SYNRG: variants seen among roughly 807,000 people sequenced by gnomAD.
The protein encoded by SYNRG is synergin gamma, also known as AP1 gamma subunit binding protein 1.
A neutral mutation model predicts 130.9 loss-of-function variants in SYNRG; 37 were observed. That is an observed-to-expected ratio of 0.28 (90% CI 0.22 to 0.37). The LOEUF is 0.37. SYNRG is among the 10% of genes least tolerant of loss of function. The pLI, the probability that SYNRG is intolerant of heterozygous loss-of-function variation, is 1.00. For synonymous variants in SYNRG, 539 were observed against 568.1 expected (o/e 0.95, Z 0.73); for missense variants, 1,338 against 1,588.9 (o/e 0.84, Z 2.68).
At chr17:37,519,230 G>A (rs184708835) in intron 21 of SYNRG, among the ~76,000 whole-genome samples, 159 bp from the exon 22 acceptor site, 59 of 152,338 alleles carry the variant, frequency 3.9e-4, no homozygotes, top group African/African-American at 1.4e-3. Context: ...GAATTCAAGA[G>A]AGAAGGTTTT....
intron 18 of SYNRG, chr17:37,536,365 T>C (rs1049871652): frequency 7.6e-5 from 40 of 528,312 alleles, no homozygotes; most frequent in Middle Eastern, 4.9e-4. Flanking sequence ...ACTGGCTACA[T>C]GACCTTAGGC....
In SYNRG at chr17:37,577,464, C is replaced by A. The variant is rs555929609; in HGVS notation, c.739G>T (p.Val247Phe). ...KYPSLMASNG[V>F]AVDGCVSGTT... ...CCACTTACACATCCATCTACAGCAA[C>A]CCCGTTACTGGCCATTAAACTGGGA... Residue 247 changes from valine (V) to phenylalanine (F), a missense_variant, in exon 7 of 22, where the codon GTT becomes TTT. Around this residue, in one of 3 missense-constraint regions of SYNRG, gnomAD observed 1,146 missense variants for 1,342.3 expected, o/e 0.85. Transcript: ENST00000612223. 2 of 1,614,164 alleles carry A rather than the reference C, an allele frequency of 1.2e-6. No homozygotes were observed. The highest frequency in any genetic ancestry group is 1.7e-6 in the Non-Finnish European group (2 of 1,180,030).
chr17:37,547,035 G>A (rs1271682402), intron 14 of SYNRG, among the ~76,000 whole-genome samples: 2 of 152,142 alleles, frequency 1.3e-5, no homozygotes, highest in African/African-American at 2.4e-5. Flanking sequence ...AAGAAAACAG[G>A]AATGAAAGTG....
intron 2 of SYNRG, among the ~76,000 whole-genome samples, chr17:37,599,769 T>G (rs1440467453): frequency 2.0e-5 from 3 of 152,212 alleles, no homozygotes; most frequent in Admixed American, 1.3e-4. Context: ...ACTTAAATAC[T>G]TAAGCTGAAT....
chr17:37,525,162 A>G (rs1000617605), intron 19 of SYNRG, among the ~76,000 whole-genome samples: 1 of 152,232 alleles, frequency 6.6e-6, no homozygotes, highest in African/African-American at 2.4e-5. Context: ...CCAATCATAT[A>G]AGATAACAGT....
rs1196702609 is a variant in SYNRG at position 37,601,674 on chromosome 17, TA to T, written c.78-1272del. ...TAAGCTGACAACTTTATTTTTATTT[TA>T]TTTTTTTGAGACGGAGTTTGCTCTT... On this transcript the variant is annotated intron_variant, in intron 1 of 21. Coordinates refer to ENST00000612223, the MANE Select transcript of SYNRG (RefSeq NM_007247.6). Among the ~76,000 whole-genome samples, 3 of 152,270 alleles carry T rather than the reference TA, an allele frequency of 2.0e-5. No homozygotes were observed. In the East Asian group the frequency reaches 5.8e-4, roughly 29 times the overall value.
At chr17:37,601,410 G>A (rs1305552013) in intron 1 of SYNRG, among the ~76,000 whole-genome samples, 5 of 152,034 alleles carry the variant, frequency 3.3e-5, no homozygotes, top group African/African-American at 1.2e-4. Context: ...AATATTATAT[G>A]AAGTTGTCAG....
chr17:37,608,875 C>A (rs2064079399), intron 1 of SYNRG, among the ~76,000 whole-genome samples: 1 of 152,100 alleles, frequency 6.6e-6, no homozygotes, highest in Non-Finnish European at 1.5e-5. Flanking sequence ...TTTTTAAAGC[C>A]CTCCCTCCAA....
intron 14 of SYNRG, among the ~76,000 whole-genome samples, chr17:37,545,390 G>A (rs1471383706): frequency 6.6e-6 from 1 of 151,938 alleles, no homozygotes; most frequent in African/African-American, 2.4e-5. Context: ...TTGAGACTCT[G>A]TCTCAAAAAA....
rs751320614 is a variant in SYNRG at position 37,538,402 on chromosome 17, C to T, written c.3439G>A (p.Asp1147Asn). Residue 1147 changes from aspartate (D) to asparagine (N), a missense_variant, in exon 18 of 22, where the codon GAT (aspartate) becomes AAT (asparagine). This residue lies in a region of SYNRG where 1,146 missense variants were observed against 1,342.3 expected (regional missense o/e 0.85). Coordinates refer to ENST00000612223, the MANE Select transcript of SYNRG (RefSeq NM_007247.6). Reference protein sequence around the residue: ...SALNVIKKANDTLNGISSSSV... With the variant: ...SALNVIKKANNTLNGISSSSV... The stretch of plus-strand genomic sequence containing the variant: ...CTACTACTGATTCCATTTAAGGTAT[C>T]ATTTGCCTTCTTAATGACCTACAAG... 12 of 1,609,030 alleles carry T rather than the reference C, an allele frequency of 7.5e-6. No individual in the cohort carries two copies. The highest frequency in any genetic ancestry group is 1.0e-5 in the Non-Finnish European group (12 of 1,178,528).
chr17:37,565,951 G>A (rs1456578625), intron 11 of SYNRG, among the ~76,000 whole-genome samples: 19 of 145,888 alleles, frequency 1.3e-4, no homozygotes, highest in Non-Finnish European at 2.0e-4. Context: ...CGCCCCGTCC[G>A]GGAGGGAGGT....
chr17:37,568,436 C>G, intron 11 of SYNRG: 1 of 173,086 alleles, frequency 5.8e-6, no homozygotes, highest in Non-Finnish European at 1.2e-5. Context: ...CAAAAATGTG[C>G]AATTATGTGC....
intron 16 of SYNRG, 132 bp from the exon 17 acceptor site, chr17:37,539,377 T>TTTTTTG (rs1174562539): frequency 3.4e-5 from 34 of 1,003,940 alleles, no homozygotes; most frequent in African/African-American, 3.1e-4. Flanking sequence ...AGTTTATGTT[T>TTTTTTG]TTTTTGTTTT....
intron 10 of SYNRG, 138 bp downstream of exon 10, chr17:37,570,499 G>T: frequency 8.4e-7 from 1 of 1,195,200 alleles, no homozygotes; most frequent in Non-Finnish European, 1.1e-6. Flanking sequence ...AGGTTTAGCA[G>T]TTTTTCTGAA....
intron 13 of SYNRG, among the ~76,000 whole-genome samples, chr17:37,559,954 G>A (rs1219210826): frequency 2.0e-5 from 3 of 152,184 alleles, no homozygotes; most frequent in Admixed American, 6.5e-5. Context: ...CTGGGGTACA[G>A]TGGCACAATC....
chr17:37,557,803 G>A (rs754196375), intron 13 of SYNRG, among the ~76,000 whole-genome samples: 21 of 151,898 alleles, frequency 1.4e-4, no homozygotes, highest in Non-Finnish European at 1.0e-4. Context: ...CTATGACTGC[G>A]CCACTGCACT....
In SYNRG at chr17:37,542,372, G is replaced by A; in HGVS notation, c.2802C>T (p.Gly934=). The change falls in exon 15 of 22, where the codon GGC becomes GGT. Residue 934 remains glycine (G), a synonymous_variant. Transcript: ENST00000612223. ...SILQKKETSF[G]SSENITMTSL... is the part of the protein sequence containing the mutation. ...ATGTCATGGTGATGTTTTCAGAACT[G>A]CCAAATGAAGTCTCTTTCTTTTGAA... 2 of 1,614,192 alleles carry A rather than the reference G, an allele frequency of 1.2e-6. No homozygotes were observed. The highest frequency in any genetic ancestry group is 1.1e-5 in the South Asian group (1 of 91,086).
chr17:37,608,954 T>C (rs1429817396), intron 1 of SYNRG, among the ~76,000 whole-genome samples: 4 of 152,014 alleles, frequency 2.6e-5, no homozygotes, highest in Admixed American at 2.6e-4. Context: ...CAGCTAGGAC[T>C]AGGAGCGGAG....
chr17:37,574,782 G>C (rs1012743645), intron 8 of SYNRG, among the ~76,000 whole-genome samples: 1 of 152,042 alleles, frequency 6.6e-6, no homozygotes, highest in Non-Finnish European at 1.5e-5. Context: ...GGAGAAAAGG[G>C]AACCCAAGTA....
Sources: allele counts gnomAD v4.1 joint callset (sites outside exome capture counted in the v4.1 genomes callset), GRCh38; gene constraint gnomAD v4.1.1; regional missense constraint gnomAD v4.1.1; transcripts MANE v1.5; gene names NCBI Gene and HGNC (gene_info 2026-07-23, HGNC 2026-07-21).